Variants in NTNG1 observed in about 807,000 individuals in gnomAD.
NTNG1 encodes netrin G1.
A neutral mutation model predicts 54.0 loss-of-function variants in NTNG1; 16 were observed. The observed-to-expected ratio is 0.30, with a 90% CI of 0.20 to 0.45. The LOEUF (loss-of-function observed/expected upper bound fraction) is 0.45. Among genes scored for constraint, NTNG1 ranks in the 20% least tolerant of loss-of-function variants. The probability of loss-of-function intolerance (pLI) is 1.00; values close to 1 mark genes in which losing one functional copy is unlikely to be tolerated. For missense variants in NTNG1, 530 were observed against 678.7 expected, an observed-to-expected ratio of 0.78 and a Z score of 2.43; for synonymous variants, 255 against 263.1, an observed-to-expected ratio of 0.97 and a Z score of 0.30.
At chr1:107,305,431 A>G (rs1666624913) in intron 2 of NTNG1, among the ~76,000 whole-genome samples, 1 of 152,150 alleles carries the variant, frequency 6.6e-6, no homozygotes, top group Non-Finnish European at 1.5e-5. Flanking sequence ...TTGCCATTCT[A>G]ACTGGCCTGA....
chr1:107,433,618 A>G (rs1437509295), intron 6 of NTNG1, among the ~76,000 whole-genome samples: 3 of 152,226 alleles, frequency 2.0e-5, no homozygotes, highest in Non-Finnish European at 2.9e-5. Context: ...TTCTTAAATT[A>G]TTGCCCTTTT....
At chr1:107,154,595 C>CAAA (rs59619310) in intron 2 of NTNG1, among the ~76,000 whole-genome samples, 1 of 47,746 alleles carries the variant, frequency 2.1e-5, no homozygotes, top group Non-Finnish European at 4.0e-5. Context: ...GACCCTGTCT[C>CAAA]AAAAAAAAAA....
At chr1:107,480,576 G>GCCCCCCCCC in intron 7 of NTNG1, 35 bp from the exon 8 acceptor site, 5 of 339,094 alleles carry the variant, frequency 1.5e-5, no homozygotes, top group South Asian at 3.6e-5. Flanking sequence ...TCCTCCCCGC[G>GCCCCCCCCC]CCCACCCACC....
chr1:107,177,496 G>A (rs560637577), intron 2 of NTNG1, among the ~76,000 whole-genome samples: 18 of 152,064 alleles, frequency 1.2e-4, no homozygotes, highest in East Asian at 1.9e-4. Flanking sequence ...CACCATGCCC[G>A]GCTAATTTTT....
intron 2 of NTNG1, among the ~76,000 whole-genome samples, chr1:107,272,656 A>T (rs577072791): frequency 6.6e-6 from 1 of 152,184 alleles, no homozygotes; most frequent in Non-Finnish European, 1.5e-5. Flanking sequence ...CCCAGAAGGA[A>T]CCATTTCCCC....
intron 2 of NTNG1, among the ~76,000 whole-genome samples, chr1:107,154,081 C>T (rs574519859): frequency 1.4e-4 from 21 of 152,060 alleles, no homozygotes; most frequent in South Asian, 8.3e-4. Context: ...TAACTAATGT[C>T]GAATAATATA....
chr1:107,378,316 G>A (rs890378151), intron 3 of NTNG1, among the ~76,000 whole-genome samples: 25 of 152,154 alleles, frequency 1.6e-4, no homozygotes, highest in African/African-American at 5.3e-4. Flanking sequence ...AAGACTGATC[G>A]CATAGCCAGG....
intron 2 of NTNG1, among the ~76,000 whole-genome samples, chr1:107,206,649 G>A (rs1659217410): frequency 6.6e-6 from 1 of 152,120 alleles, no homozygotes; most frequent in Non-Finnish European, 1.5e-5. Flanking sequence ...GCACTTAGGA[G>A]CCACCACAAG....
At chr1:107,286,654 C>T (rs1050560578) in intron 2 of NTNG1, among the ~76,000 whole-genome samples, 1 of 152,118 alleles carries the variant, frequency 6.6e-6, no homozygotes, top group Non-Finnish European at 1.5e-5. Flanking sequence ...AGAAATAATT[C>T]AGTTCTCTTT....
chr1:107,279,942 T>A (rs777890463), intron 2 of NTNG1, among the ~76,000 whole-genome samples: 2 of 151,890 alleles, frequency 1.3e-5, no homozygotes, highest in Non-Finnish European at 2.9e-5. Context: ...GGACTAGAGG[T>A]GCACACCACC....
chr1:107,392,314 G>T (rs1672411681), intron 3 of NTNG1, among the ~76,000 whole-genome samples: 2 of 152,024 alleles, frequency 1.3e-5, no homozygotes, highest in African/African-American at 4.8e-5. Flanking sequence ...TATTTATTTG[G>T]GGTGGGGAAG....
At chr1:107,265,115 G>T (rs1196751654) in intron 2 of NTNG1, among the ~76,000 whole-genome samples, 1 of 152,130 alleles carries the variant, frequency 6.6e-6, no homozygotes, top group Admixed American at 6.6e-5. Context: ...ATTGTGTCTT[G>T]TTTTCTCATT....
At chr1:107,255,073 T>C (rs1662844680) in intron 2 of NTNG1, among the ~76,000 whole-genome samples, 1 of 152,198 alleles carries the variant, frequency 6.6e-6, no homozygotes, top group Non-Finnish European at 1.5e-5. Context: ...TTTAATACTA[T>C]AGATTAAAAC....
chr1:107,277,577 C>A (rs1664560782), intron 2 of NTNG1, among the ~76,000 whole-genome samples: 1 of 152,244 alleles, frequency 6.6e-6, no homozygotes, highest in African/African-American at 2.4e-5. Context: ...AAAATTAAAA[C>A]ACTACAGGAA....
chr1:107,171,485 A>C (rs1656233738), intron 2 of NTNG1, among the ~76,000 whole-genome samples: 1 of 152,028 alleles, frequency 6.6e-6, no homozygotes, highest in Non-Finnish European at 1.5e-5. Flanking sequence ...TTGAGATTCA[A>C]GTTTTTCTCT....
At chr1:107,373,343 T>A (rs1434020950) in intron 3 of NTNG1, among the ~76,000 whole-genome samples, 1 of 152,112 alleles carries the variant, frequency 6.6e-6, no homozygotes, top group Non-Finnish European at 1.5e-5. Context: ...AGATGAAATA[T>A]AACAACCTTA....
At chr1:107,267,734 C>G (rs1663846467) in intron 2 of NTNG1, among the ~76,000 whole-genome samples, 3 of 152,174 alleles carry the variant, frequency 2.0e-5, no homozygotes, top group Admixed American at 6.6e-5. Context: ...CTTTCCTTCC[C>G]CAGTTGAGCA....
At chr1:107,456,044 A>G (rs1676936396) in intron 7 of NTNG1, among the ~76,000 whole-genome samples, 1 of 152,178 alleles carries the variant, frequency 6.6e-6, no homozygotes, top group South Asian at 2.1e-4. Flanking sequence ...ACGATTCCCC[A>G]GGTCATAACA....
chr1:107,413,815 A>T (rs139910465), intron 5 of NTNG1, among the ~76,000 whole-genome samples: 1 of 152,192 alleles, frequency 6.6e-6, no homozygotes, highest in African/African-American at 2.4e-5. Flanking sequence ...TTCCAGCTCA[A>T]TGTCCAATTT....
Sources: gnomAD v4.1 joint callset for allele counts (sites outside exome capture counted in the v4.1 genomes callset) on GRCh38, gnomAD v4.1.1 for gene constraint, MANE v1.5 for transcripts, NCBI Gene and HGNC (gene_info 2026-07-23, HGNC 2026-07-21) for gene names.